SLC38A9: variants seen among roughly 807,000 people sequenced by gnomAD.
SLC38A9 encodes solute carrier family 38 member 9, also known as neutral amino acid transporter 9.
In SLC38A9, 48 loss-of-function variants were observed where a neutral mutation model predicts 62.3. That is an observed-to-expected ratio of 0.77 (90% confidence interval 0.61 to 0.98). SLC38A9 has a LOEUF of 0.98. Among genes scored for constraint, SLC38A9 ranks in the 50% least tolerant of loss-of-function variants. The pLI, the probability that SLC38A9 is intolerant of heterozygous loss-of-function variation, is 0.00. For missense variants in SLC38A9, 541 were observed against 679.8 expected, an observed-to-expected ratio of 0.80 and a Z score of 2.27; for synonymous variants, 204 against 227.7, an observed-to-expected ratio of 0.90 and a Z score of 0.94.
At chr5:55,690,908 T>C (rs1255718788) in intron 3 of SLC38A9, among the ~76,000 whole-genome samples, 1 of 152,248 alleles carries the variant, frequency 6.6e-6, no homozygotes, top group East Asian at 1.9e-4. Context: ...AAATTCTTTG[T>C]CCTTATATAT....
At chr5:55,694,145 C>A in intron 3 of SLC38A9, 2 of 208,636 alleles carry the variant, frequency 9.6e-6, no homozygotes, top group Non-Finnish European at 1.0e-5. Flanking sequence ...GAGATCAAGG[C>A]TGCAGCAAGC....
At chr5:55,666,127 G>C (rs1750427412) in intron 7 of SLC38A9, among the ~76,000 whole-genome samples, 1 of 151,932 alleles carries the variant, frequency 6.6e-6, no homozygotes, top group Non-Finnish European at 1.5e-5. Flanking sequence ...AACATAACAT[G>C]TACTAAAAAA....
At position 55,645,772 on chromosome 5, in the gene SLC38A9, C is replaced by T. The variant is rs1746229523; in HGVS notation, c.1167+17G>A. ...CCTCGGGAGATACAAAAGTCAATTC[C>T]AAAGATAATTACTCACATTGTTTTC... On this transcript the variant is annotated intron_variant, in intron 12 of 15. Transcript: ENST00000396865. 6.5e-7 allele frequency: 1 copy of T among 1,542,412 alleles called. No homozygotes were observed. Among genetic ancestry groups the T allele is most frequent in the Non-Finnish European group, 8.9e-7 (1 of 1,123,432 alleles).
chr5:55,648,393 C>T (rs1746779899), intron 11 of SLC38A9, among the ~76,000 whole-genome samples: 1 of 152,132 alleles, frequency 6.6e-6, no homozygotes, highest in Non-Finnish European at 1.5e-5. Flanking sequence ...AGAACATAGA[C>T]ATTTACACCA....
At chr5:55,672,500 C>A (rs1015396480) in intron 4 of SLC38A9, 63 bp downstream of exon 4, 17 of 1,575,302 alleles carry the variant, frequency 1.1e-5, no homozygotes, top group Non-Finnish European at 1.5e-5. Flanking sequence ...GGTGCCCTGG[C>A]TTATATTGTT....
chr5:55,656,814 A>G, intron 8 of SLC38A9, 40 bp from the exon 9 acceptor site: 1 of 1,069,900 alleles, frequency 9.3e-7, no homozygotes, highest in African/African-American at 1.6e-5. Context: ...CACTGAATGA[A>G]AGACACTAAA....
intron 2 of SLC38A9, among the ~76,000 whole-genome samples, chr5:55,703,519 T>C (rs1756920485): frequency 6.6e-6 from 1 of 152,208 alleles, no homozygotes; most frequent in Non-Finnish European, 1.5e-5. Flanking sequence ...AATTCAGTGA[T>C]AATTGTTACA....
At chr5:55,629,718 CTTATATAA>C (rs146204878) in intron 14 of SLC38A9, among the ~76,000 whole-genome samples, 7,431 of 152,122 alleles carry the variant, frequency 0.049, 309 homozygotes, top group African/African-American at 0.11. Context: ...AAGCTTGTCA[CTTATATAA>C]TTCAAGGAAA....
chr5:55,685,923 G>A (rs536346111), intron 3 of SLC38A9, among the ~76,000 whole-genome samples: 6 of 152,202 alleles, frequency 3.9e-5, no homozygotes, highest in South Asian at 2.1e-4. Context: ...TAAGGATAAC[G>A]GCCTCTAGCT....
chr5:55,712,050 A>G (rs913142396), intron 1 of SLC38A9, among the ~76,000 whole-genome samples, 167 bp downstream of exon 1: 1 of 152,132 alleles, frequency 6.6e-6, no homozygotes, highest in African/African-American at 2.4e-5. Flanking sequence ...GCTCCAGGCT[A>G]TGGCCTCCCT....
intron 3 of SLC38A9, among the ~76,000 whole-genome samples, chr5:55,694,818 T>C (rs1755256374): frequency 6.6e-6 from 1 of 150,748 alleles, no homozygotes; most frequent in South Asian, 2.1e-4. Flanking sequence ...AGTGGTACGA[T>C]CTTGGCTTAC....
chr5:55,641,296 G>A (rs1053772487), intron 12 of SLC38A9, among the ~76,000 whole-genome samples: 13 of 152,094 alleles, frequency 8.5e-5, no homozygotes, highest in Non-Finnish European at 1.8e-4. Flanking sequence ...CCATGCCTTG[G>A]TGAACTGCCA....
rs565147614 is a variant in SLC38A9 at position 55,663,526 on chromosome 5, A to T, written c.697+1167T>A. 9.2e-5 allele frequency among the ~76,000 whole-genome samples: 14 copies of T among 152,150 alleles called. No homozygotes were observed. In the East Asian group the frequency reaches 2.5e-3, roughly 27 times the overall value. On this transcript the variant is annotated intron_variant, in intron 8 of 15. Coordinates refer to ENST00000396865, the MANE Select transcript of SLC38A9 (RefSeq NM_173514.4). The stretch of plus-strand genomic sequence containing the variant: ...CGAGGTGGGAGGATCACTTGAGGTC[A>T]GGAGATCGAGAACAGCCTGGCCAAC...
At chr5:55,633,481 T>G in intron 14 of SLC38A9, 1 of 331,478 alleles carries the variant, frequency 3.0e-6, no homozygotes, top group Non-Finnish European at 5.5e-6. Context: ...CTTGACAATA[T>G]GTAAATCAAT....
chr5:55,667,723 T>C (rs1750703044), intron 7 of SLC38A9, among the ~76,000 whole-genome samples: 1 of 152,012 alleles, frequency 6.6e-6, no homozygotes, highest in South Asian at 2.1e-4. Flanking sequence ...CTTTTTATTA[T>C]TTTTATTTTA....
chr5:55,693,759 C>T (rs1755051237), intron 3 of SLC38A9, among the ~76,000 whole-genome samples: 1 of 152,064 alleles, frequency 6.6e-6, no homozygotes, highest in South Asian at 2.1e-4. Flanking sequence ...TAATCTAGAA[C>T]ACTTTTTCAT....
chr5:55,704,736 T>A (rs1811469), intron 2 of SLC38A9, among the ~76,000 whole-genome samples: 1 of 152,066 alleles, frequency 6.6e-6, no homozygotes, highest in East Asian at 1.9e-4. Context: ...TTACACACAT[T>A]GGGTAATTTG....
intron 3 of SLC38A9, among the ~76,000 whole-genome samples, chr5:55,676,879 A>C (rs1474260768): frequency 6.6e-6 from 1 of 152,164 alleles, no homozygotes; most frequent in Non-Finnish European, 1.5e-5. Flanking sequence ...CACAAAGAAC[A>C]TTCTGATAAT....
chr5:55,685,499 AT>A (rs1753655467), intron 3 of SLC38A9, among the ~76,000 whole-genome samples: 1 of 152,222 alleles, frequency 6.6e-6, no homozygotes, highest in Non-Finnish European at 1.5e-5. Flanking sequence ...GTTTACAAGT[AT>A]TTGTGTAGAC....
Sources: allele counts gnomAD v4.1 joint callset (sites outside exome capture counted in the v4.1 genomes callset), GRCh38; gene constraint gnomAD v4.1.1; transcripts MANE v1.5; gene names NCBI Gene and HGNC (gene_info 2026-07-23, HGNC 2026-07-21).